CNTNAP2: variants seen among roughly 807,000 people sequenced by gnomAD.
CNTNAP2 encodes contactin associated protein 2.
CNTNAP2 carries 98 observed loss-of-function variants against 155.2 expected under a neutral mutation model. The observed-to-expected ratio is 0.63, with a 90% CI of 0.54 to 0.75. CNTNAP2 has a LOEUF of 0.75. CNTNAP2 is among the 30% of genes least tolerant of loss of function. The pLI is 0.00. For synonymous variants in CNTNAP2, 651 were observed against 631.2 expected (o/e 1.03, Z -0.47); for missense variants, 1,727 against 1,688.1 (o/e 1.02, Z -0.40).
chr7:146,511,716 T>G (rs1423600341), intron 1 of CNTNAP2, among the ~76,000 whole-genome samples: 1 of 152,178 alleles, frequency 6.6e-6, no homozygotes, highest in Admixed American at 6.5e-5. Flanking sequence ...TTATTCATTA[T>G]GAATATTGAC....
At chr7:146,607,195 C>T (rs985886555) in intron 1 of CNTNAP2, among the ~76,000 whole-genome samples, 11 of 152,212 alleles carry the variant, frequency 7.2e-5, no homozygotes, top group Middle Eastern at 3.4e-3. Context: ...GTCAAAGTTT[C>T]GAGCTAATTT....
intron 20 of CNTNAP2, among the ~76,000 whole-genome samples, chr7:148,254,857 C>T (rs988012168): frequency 2.6e-5 from 4 of 151,524 alleles, no homozygotes; most frequent in Admixed American, 6.6e-5. Context: ...TTTTCAAAAG[C>T]GACTCTTCCT....
At chr7:148,139,776 T>C (rs1805024283) in intron 16 of CNTNAP2, among the ~76,000 whole-genome samples, 2 of 152,100 alleles carry the variant, frequency 1.3e-5, no homozygotes, top group Non-Finnish European at 1.5e-5. Flanking sequence ...CCTGACCTCA[T>C]AAGCCACCCG....
chr7:146,632,872 C>T (rs1350979618), intron 1 of CNTNAP2, among the ~76,000 whole-genome samples: 1 of 151,144 alleles, frequency 6.6e-6, no homozygotes, highest in Non-Finnish European at 1.5e-5. Flanking sequence ...CATGAATTAG[C>T]AATTTGGCTG....
chr7:146,122,696 G>A (rs764499441), intron 1 of CNTNAP2, among the ~76,000 whole-genome samples: 4 of 151,882 alleles, frequency 2.6e-5, no homozygotes, highest in Non-Finnish European at 5.9e-5. Flanking sequence ...AGTGCTATCC[G>A]TGGTATTATT....
chr7:147,347,607 C>A (rs1584889637), intron 9 of CNTNAP2, among the ~76,000 whole-genome samples: 1 of 151,282 alleles, frequency 6.6e-6, no homozygotes, highest in African/African-American at 2.4e-5. Context: ...CAGATACTAC[C>A]AGAAGCAACC....
At chr7:148,388,216 C>T (rs182402406) in intron 22 of CNTNAP2, among the ~76,000 whole-genome samples, 53 of 152,094 alleles carry the variant, frequency 3.5e-4, no homozygotes, top group Middle Eastern at 3.4e-3. Context: ...CATATGTATA[C>T]ATGTGCCATG....
intron 21 of CNTNAP2, among the ~76,000 whole-genome samples, chr7:148,322,592 T>C (rs1007131783): frequency 1.4e-5 from 2 of 146,512 alleles, no homozygotes; most frequent in African/African-American, 5.1e-5. Flanking sequence ...AAAAAGTTAA[T>C]AGTTTTGTCT....
chr7:146,464,760 G>T (rs1048946296), intron 1 of CNTNAP2, among the ~76,000 whole-genome samples: 1 of 152,076 alleles, frequency 6.6e-6, no homozygotes, highest in Non-Finnish European at 1.5e-5. Flanking sequence ...ACACTATGTT[G>T]GAAAGTCTTA....
At chr7:146,811,609 T>C (rs1803067916) in intron 2 of CNTNAP2, among the ~76,000 whole-genome samples, 1 of 152,122 alleles carries the variant, frequency 6.6e-6, no homozygotes, top group African/African-American at 2.4e-5. Flanking sequence ...TCTATAGGCT[T>C]TTCTTTATTT....
intron 1 of CNTNAP2, among the ~76,000 whole-genome samples, chr7:146,759,784 G>A (rs1356649266): frequency 6.6e-6 from 1 of 151,042 alleles, no homozygotes; most frequent in Admixed American, 6.6e-5. Flanking sequence ...TTAGTGCATA[G>A]CTATCTTTAT....
At chr7:147,838,286 A>G (rs1339631604) in intron 13 of CNTNAP2, among the ~76,000 whole-genome samples, 1 of 152,132 alleles carries the variant, frequency 6.6e-6, no homozygotes, top group East Asian at 1.9e-4. Flanking sequence ...GACTGCCACA[A>G]AGATCTCTTA....
chr7:147,698,599 A>G (rs1796193866), intron 13 of CNTNAP2, among the ~76,000 whole-genome samples: 1 of 152,012 alleles, frequency 6.6e-6, no homozygotes, highest in African/African-American at 2.4e-5. Flanking sequence ...GTCTTGCTCT[A>G]TTGTCAAGTC....
At chr7:146,306,749 AG>A (rs113502673) in intron 1 of CNTNAP2, among the ~76,000 whole-genome samples, 12,965 of 152,208 alleles carry the variant, frequency 0.085, 1,546 homozygotes, top group African/African-American at 0.27. Flanking sequence ...TTATCTCAGT[AG>A]ATGCTGAAAG....
At chr7:147,451,205 T>A (rs776870655) in intron 10 of CNTNAP2, among the ~76,000 whole-genome samples, 2 of 152,128 alleles carry the variant, frequency 1.3e-5, no homozygotes, top group African/African-American at 2.4e-5. Context: ...AAAATCTGCA[T>A]AGAAACAAGA....
At chr7:148,174,156 G>A (rs1339642478) in intron 18 of CNTNAP2, among the ~76,000 whole-genome samples, 1 of 152,144 alleles carries the variant, frequency 6.6e-6, no homozygotes, top group African/African-American at 2.4e-5. Flanking sequence ...TTCAATTAGT[G>A]ACTTTAACCA....
At chr7:146,383,512 A>G (rs571259308) in intron 1 of CNTNAP2, among the ~76,000 whole-genome samples, 1 of 152,256 alleles carries the variant, frequency 6.6e-6, no homozygotes, top group Admixed American at 6.5e-5. Context: ...ATTCAGCTAC[A>G]TGATTTTAAA....
intron 1 of CNTNAP2, among the ~76,000 whole-genome samples, chr7:146,347,587 A>G (rs1411727385): frequency 6.6e-6 from 1 of 152,048 alleles, no homozygotes; most frequent in South Asian, 2.1e-4. Context: ...TTGTTTTGAG[A>G]CAGAGACTTG....
chr7:148,388,447 A>G (rs1210256545), intron 22 of CNTNAP2, among the ~76,000 whole-genome samples: 16 of 151,776 alleles, frequency 1.1e-4, no homozygotes, highest in Non-Finnish European at 1.9e-4. Flanking sequence ...TTCCAATTTC[A>G]TCCATGTCCC....
Sources: gnomAD v4.1 joint callset for allele counts (sites outside exome capture counted in the v4.1 genomes callset) on GRCh38, gnomAD v4.1.1 for gene constraint, MANE v1.5 for transcripts, NCBI Gene and HGNC (gene_info 2026-07-23, HGNC 2026-07-21) for gene names.